CUL1: variants seen among roughly 807,000 people sequenced by gnomAD.
The protein encoded by CUL1 is cullin-1.
In CUL1, 24 loss-of-function variants were observed where a neutral mutation model predicts 118.0. That is an observed-to-expected ratio of 0.20 (90% CI 0.15 to 0.29). The LOEUF is 0.29. CUL1 is among the 10% of genes least tolerant of loss of function. The probability of loss-of-function intolerance (pLI) is 1.00; values close to 1 mark genes in which losing one functional copy is unlikely to be tolerated. For synonymous variants in CUL1, 332 were observed against 340.4 expected (o/e 0.98, Z 0.27); for missense variants, 361 against 933.8 (o/e 0.39, Z 7.99).
chr7:148,727,236 A>G (rs1798616767), intron 1 of CUL1, among the ~76,000 whole-genome samples: 1 of 152,220 alleles, frequency 6.6e-6, no homozygotes, highest in African/African-American at 2.4e-5. Context: ...AGTGACCAAA[A>G]TAATACAAAA....
In CUL1 at chr7:148,773,957, T is replaced by G. The variant is rs565208794; in HGVS notation, c.1083+6208T>G. 1.1e-3 allele frequency among the ~76,000 whole-genome samples: 174 copies of G among 152,306 alleles called. 4 individuals carry two copies. In the South Asian group the frequency reaches 0.035, roughly 31 times the overall value. On this transcript the variant is annotated intron_variant, in intron 9 of 21. Coordinates refer to ENST00000325222, the MANE Select transcript of CUL1 (RefSeq NM_003592.3). ...CCAGTTTTGTGTCCTCAGAGCTTAT[T>G]ATGACACCTTATCAGTATACTTACA...
At chr7:148,769,839 G>C (rs926502525) in intron 9 of CUL1, among the ~76,000 whole-genome samples, 1 of 152,036 alleles carries the variant, frequency 6.6e-6, no homozygotes, top group African/African-American at 2.4e-5. Flanking sequence ...GGACCAGCTA[G>C]GGCAATGTAG....
intron 9 of CUL1, among the ~76,000 whole-genome samples, chr7:148,778,103 A>AAAAAAAAG (rs1563166664): frequency 1.4e-5 from 2 of 147,512 alleles, no homozygotes; most frequent in South Asian, 2.2e-4. Flanking sequence ...AAAAAGAAGA[A>AAAAAAAAG]GAAGAAGAAT....
intron 11 of CUL1, 115 bp from the exon 12 acceptor site, chr7:148,786,436 T>G: frequency 1.3e-6 from 1 of 775,180 alleles, no homozygotes; most frequent in South Asian, 1.8e-5. Flanking sequence ...CCTCTTCCTC[T>G]GCACTAATCT....
chr7:148,782,288 A>G (rs1448385947), intron 9 of CUL1, among the ~76,000 whole-genome samples: 1 of 152,230 alleles, frequency 6.6e-6, no homozygotes, highest in Non-Finnish European at 1.5e-5. Context: ...ATGAAGTAAG[A>G]TATGGCCCAA....
chr7:148,718,180 G>A (rs1798277031), intron 1 of CUL1, among the ~76,000 whole-genome samples: 1 of 152,158 alleles, frequency 6.6e-6, no homozygotes, highest in African/African-American at 2.4e-5. Context: ...TTTACAGCTA[G>A]CATGCTTTAA....
chr7:148,706,047 G>T (rs931367059), intron 1 of CUL1, among the ~76,000 whole-genome samples: 1 of 152,068 alleles, frequency 6.6e-6, no homozygotes, highest in Admixed American at 6.5e-5. Context: ...TCATGTGATG[G>T]GCCACGGTCA....
At chr7:148,713,725 T>TTA (rs902065136) in intron 1 of CUL1, among the ~76,000 whole-genome samples, 2 of 152,104 alleles carry the variant, frequency 1.3e-5, no homozygotes, top group African/African-American at 4.8e-5. Flanking sequence ...GTATTTTATA[T>TTA]TATATATATA....
In CUL1 at chr7:148,756,988, A is replaced by T; in HGVS notation, c.321A>T (p.Gly107=). Residue 107 remains glycine, a synonymous_variant, in exon 4 of 22, where the codon GGA becomes GGT. Coordinates refer to ENST00000325222, the MANE Select transcript of CUL1 (RefSeq NM_003592.3). ...KNYLTNLLKD[G]EDLMDESVLK... ...TTTAGTTAACTTGTTTTTAGGATGGAGAAGATTTGATGGATGAGAGTGTAC... is the reference window on the plus strand; with the variant it reads ...TTTAGTTAACTTGTTTTTAGGATGGTGAAGATTTGATGGATGAGAGTGTAC... 8.2e-6 allele frequency: 13 copies of T among 1,577,352 alleles called. No homozygotes were observed. Among genetic ancestry groups the T allele is most frequent in the Non-Finnish European group, 1.1e-5 (13 of 1,164,170 alleles).
chr7:148,760,877 C>A (rs1028357297), intron 7 of CUL1, among the ~76,000 whole-genome samples: 1 of 152,178 alleles, frequency 6.6e-6, no homozygotes, highest in East Asian at 1.9e-4. Context: ...CCCTAAGAAT[C>A]TATTACATAG....
In CUL1 at chr7:148,797,681, A is replaced by G. The variant is rs547828860; in HGVS notation, c.1900-131A>G. On this transcript the variant is annotated intron_variant, in intron 17 of 21. Coordinates refer to ENST00000325222, the MANE Select transcript of CUL1 (RefSeq NM_003592.3). Reference sequence around the variant, plus strand: ...GAAGTACCAACTTTTTTTTCCTTCCAGCATACTCTTCTTTTGGGTGATTTT... The same window carrying G: ...GAAGTACCAACTTTTTTTTCCTTCCGGCATACTCTTCTTTTGGGTGATTTT... The G allele has an allele frequency of 1.5e-5, 10 of 688,574 alleles. No individual in the cohort carries two copies. In the South Asian group the frequency reaches 1.8e-4, roughly 12 times the overall value. The allele number at this position is 688,574 out of a possible 1,614,324, so 42.7% of individuals were successfully genotyped here.
At chr7:148,786,471 T>G (rs1392418180) in intron 11 of CUL1, 80 bp from the exon 12 acceptor site, 6 of 1,093,002 alleles carry the variant, frequency 5.5e-6, no homozygotes, top group African/African-American at 4.6e-5. Flanking sequence ...TTTTGAATGC[T>G]TGAAGCTGCA....
intron 1 of CUL1, among the ~76,000 whole-genome samples, chr7:148,725,198 T>TACACACACACACAC (rs147863334): frequency 5.0e-4 from 53 of 106,832 alleles, no homozygotes; most frequent in African/African-American, 1.6e-3. Context: ...TGCGCGCGTG[T>TACACACACACACAC]ACACACACAC....
chr7:148,704,685 T>C (rs1341297078), intron 1 of CUL1, among the ~76,000 whole-genome samples: 1 of 152,226 alleles, frequency 6.6e-6, no homozygotes, highest in Non-Finnish European at 1.5e-5. Flanking sequence ...AAACAACATA[T>C]GTAAGTAATA....
chr7:148,724,961 G>C (rs975378447), intron 1 of CUL1, among the ~76,000 whole-genome samples: 1 of 152,042 alleles, frequency 6.6e-6, no homozygotes, highest in South Asian at 2.1e-4. Context: ...AAAACCATTT[G>C]AACCTCTCTG....
intron 1 of CUL1, among the ~76,000 whole-genome samples, chr7:148,709,488 T>C (rs1797983351): frequency 1.3e-5 from 2 of 152,220 alleles, no homozygotes; most frequent in Admixed American, 1.3e-4. Flanking sequence ...ATCTGGATTT[T>C]GTGATGTTAG....
intron 2 of CUL1, among the ~76,000 whole-genome samples, chr7:148,749,761 A>T (rs1474190008): frequency 6.6e-6 from 1 of 152,222 alleles, no homozygotes; most frequent in Non-Finnish European, 1.5e-5. Flanking sequence ...ACTTTAGATC[A>T]AAAACTAGCA....
intron 3 of CUL1, among the ~76,000 whole-genome samples, chr7:148,754,933 T>C (rs899703742): frequency 6.6e-6 from 1 of 152,002 alleles, no homozygotes; most frequent in African/African-American, 2.4e-5. Context: ...TTTAAATCTT[T>C]TGTAGAATCA....
chr7:148,789,921 T>C (rs767137922), intron 15 of CUL1, 95 bp downstream of exon 15: 7 of 1,136,188 alleles, frequency 6.2e-6, no homozygotes, highest in African/African-American at 1.5e-5. Flanking sequence ...GCAGATGGCC[T>C]TCCTGCTGGC....
Sources: gnomAD v4.1 joint callset for allele counts (sites outside exome capture counted in the v4.1 genomes callset) on GRCh38, gnomAD v4.1.1 for gene constraint, MANE v1.5 for transcripts, NCBI Gene and HGNC (gene_info 2026-07-23, HGNC 2026-07-21) for gene names.